Variants in MBNL2 observed in about 807,000 individuals in gnomAD.
MBNL2 encodes muscleblind-like protein 2.
MBNL2 carries 17 observed loss-of-function variants against 41.9 expected under a neutral mutation model. That is an observed-to-expected ratio of 0.41 (90% CI 0.28 to 0.61). MBNL2 has a LOEUF of 0.61. Ranked by LOEUF, MBNL2 falls within the 20% of genes least tolerant of loss-of-function variation. MBNL2 has a pLI of 0.35. For synonymous variants in MBNL2, 195 were observed against 182.9 expected, an observed-to-expected ratio of 1.07 and a Z score of -0.53; for missense variants, 336 against 505.6, an observed-to-expected ratio of 0.66 and a Z score of 3.22.
chr13:97,304,650 A>G lies in MBNL2; in HGVS notation c.174+28241A>G, dbSNP rs74103235. On this transcript the variant is annotated intron_variant, in intron 2 of 8. Coordinates refer to ENST00000679496, the MANE Select transcript of MBNL2 (RefSeq NM_001382683.1). ...TTATGCAAGTCATTTGCAAAGTGGC[A>G]ATAATAATAGTAATATCTAGTCTGC... Among the ~76,000 whole-genome samples, 335 of 152,332 alleles carry G rather than the reference A, an allele frequency of 2.2e-3. 1 individual carries two copies. Among genetic ancestry groups the G allele is most frequent in the African/African-American group, 7.7e-3 (322 of 41,584 alleles).
chr13:97,269,185 T>C (rs1001791344), intron 1 of MBNL2, among the ~76,000 whole-genome samples: 4 of 152,138 alleles, frequency 2.6e-5, no homozygotes, highest in Non-Finnish European at 4.4e-5. Flanking sequence ...GTTTGGGACA[T>C]TGGAAATACA....
In MBNL2 at chr13:97,268,366, G is replaced by GCTGC. The variant is rs1322961809; in HGVS notation, c.-604-7263_-604-7262insCCTG. Among the ~76,000 whole-genome samples the GCTGC allele has an allele frequency of 6.6e-6, 1 of 152,090 alleles. No homozygotes were observed. Among genetic ancestry groups the GCTGC allele is most frequent in the Non-Finnish European group, 1.5e-5 (1 of 68,014 alleles). ...ATCCATCTGCCTCGGCCTCCCAAAC[G>GCTGC]CTGGGATTACAGGTGTGAGCCACTG... On this transcript the variant is annotated intron_variant, in intron 1 of 8. Coordinates refer to ENST00000679496, the MANE Select transcript of MBNL2 (RefSeq NM_001382683.1). The surrounding 1 kb of genome is among the most constrained non-coding windows in gnomAD (Gnocchi z 4.6).
At chr13:97,161,797 T>C in the MBNL2 span, among the ~76,000 whole-genome samples, 1 of 152,198 alleles carries the variant, frequency 6.6e-6, no homozygotes, top group African/African-American at 2.4e-5. Flanking sequence ...CTGTACAGAT[T>C]ACCTAGAACT....
chr13:97,379,825 G>A (rs1037081308), intron 8 of MBNL2, among the ~76,000 whole-genome samples: 3 of 152,180 alleles, frequency 2.0e-5, no homozygotes, highest in African/African-American at 4.8e-5. Flanking sequence ...GGTGGTGATG[G>A]TGGCACAACC....
intron 1 of MBNL2, among the ~76,000 whole-genome samples, chr13:97,269,447 G>C (rs1278401281): frequency 2.0e-5 from 3 of 152,122 alleles, no homozygotes; most frequent in Non-Finnish European, 4.4e-5. Flanking sequence ...ATTAACAGGG[G>C]CACCTCTGGG....
At chr13:97,233,344 G>A (rs1272596728) in intron 1 of MBNL2, among the ~76,000 whole-genome samples, 5 of 78,622 alleles carry the variant, frequency 6.4e-5, no homozygotes, top group African/African-American at 1.1e-4. Flanking sequence ...AACAGGCCCC[G>A]CTGTGTGATG....
intron 1 of MBNL2, among the ~76,000 whole-genome samples, chr13:97,273,731 C>T (rs1396198219): frequency 6.6e-6 from 1 of 152,164 alleles, no homozygotes; most frequent in Non-Finnish European, 1.5e-5. Context: ...AGGCTTCTCC[C>T]TTATAAGGGA....
intron 8 of MBNL2, among the ~76,000 whole-genome samples, chr13:97,385,578 A>T (rs983323177): frequency 6.6e-6 from 1 of 152,204 alleles, no homozygotes; most frequent in African/African-American, 2.4e-5. Flanking sequence ...ACCAAATTTA[A>T]TATTGAGCTA....
the MBNL2 span, among the ~76,000 whole-genome samples, chr13:97,150,675 C>T: frequency 6.6e-6 from 1 of 152,172 alleles, no homozygotes; most frequent in African/African-American, 2.4e-5. Flanking sequence ...CCTGACAAAG[C>T]TACGAGTTAT....
chr13:97,351,518 C>G (rs1355867389), intron 5 of MBNL2, among the ~76,000 whole-genome samples: 1 of 152,190 alleles, frequency 6.6e-6, no homozygotes, highest in African/African-American at 2.4e-5. Context: ...TTACTGTGGC[C>G]ACCTTCATCA....
At chr13:97,247,848 G>T (rs772761290) in intron 1 of MBNL2, among the ~76,000 whole-genome samples, 1 of 152,070 alleles carries the variant, frequency 6.6e-6, no homozygotes, top group Non-Finnish European at 1.5e-5. Context: ...CAAAATATAG[G>T]TTTACCCAAA....
intron 8 of MBNL2, among the ~76,000 whole-genome samples, chr13:97,367,094 G>C (rs1408100579): frequency 1.3e-5 from 2 of 152,170 alleles, no homozygotes; most frequent in Non-Finnish European, 2.9e-5. Context: ...TCCAATACTG[G>C]CCTAAGAGCC....
At chr13:97,374,062 C>CCTTTTTTT (rs1594284568) in intron 8 of MBNL2, among the ~76,000 whole-genome samples, 4 of 53,396 alleles carry the variant, frequency 7.5e-5, no homozygotes, top group African/African-American at 2.9e-4. Context: ...TCCTCCTTTG[C>CCTTTTTTT]ATTTTTTTTT....
chr13:97,318,206 G>A (rs1345832122), intron 2 of MBNL2, among the ~76,000 whole-genome samples: 2 of 152,236 alleles, frequency 1.3e-5, no homozygotes, highest in Admixed American at 6.5e-5. Context: ...GATCATTCCT[G>A]TAAAGCACTT....
chr13:97,247,029 G>A (rs915426331), intron 1 of MBNL2, among the ~76,000 whole-genome samples: 10 of 152,164 alleles, frequency 6.6e-5, no homozygotes, highest in Non-Finnish European at 1.0e-4. Context: ...TGTGCAGGCT[G>A]ACAGTCTCGA....
upstream of MBNL2, among the ~76,000 whole-genome samples, chr13:97,217,055 A>G (rs1036266268): frequency 1.2e-4 from 17 of 145,708 alleles, no homozygotes; most frequent in Admixed American, 1.1e-3. Flanking sequence ...TATGTAATAT[A>G]TACATATATA....
chr13:97,203,063 G>T, the MBNL2 span, among the ~76,000 whole-genome samples: 1 of 152,136 alleles, frequency 6.6e-6, no homozygotes, highest in Non-Finnish European at 1.5e-5. Context: ...TTAGAGTAAT[G>T]GGTAGACCAG....
At chr13:97,229,679 G>A (rs1350868413) in intron 1 of MBNL2, among the ~76,000 whole-genome samples, 1 of 152,136 alleles carries the variant, frequency 6.6e-6, no homozygotes, top group African/African-American at 2.4e-5. Flanking sequence ...TGGAGATGGA[G>A]ATGAAGTGTT....
the MBNL2 span, among the ~76,000 whole-genome samples, chr13:97,142,245 T>C: frequency 4.9e-4 from 74 of 152,280 alleles, no homozygotes; most frequent in African/African-American, 1.6e-3. Context: ...AATATGAAAG[T>C]TTAGAAAAGA....
Sources: allele counts gnomAD v4.1 joint callset (sites outside exome capture counted in the v4.1 genomes callset), GRCh38; gene constraint gnomAD v4.1.1; non-coding constraint Gnocchi (gnomAD v3.1); transcripts MANE v1.5; gene names NCBI Gene and HGNC (gene_info 2026-07-23, HGNC 2026-07-21).